The following GARIN1B variants were observed in gnomAD, a reference collection of about 807,000 sequenced individuals.
GARIN1B encodes Golgi-associated RAB2 interactor protein 1B.
chr7:128,714,793 A>G, the GARIN1B span, among the ~76,000 whole-genome samples: 3 of 152,146 alleles, frequency 2.0e-5, no homozygotes, highest in East Asian at 1.9e-4. Flanking sequence ...TCGGGGTTCT[A>G]TTCCTCCCAG....
the GARIN1B span, chr7:128,723,342 C>T: frequency 4.0e-5 from 64 of 1,605,246 alleles, no homozygotes; most frequent in Non-Finnish European, 5.2e-5. Flanking sequence ...ATCAAGCCAG[C>T]CTCTGACATT....
chr7:128,712,036 G>A, the GARIN1B span, among the ~76,000 whole-genome samples: 31 of 152,074 alleles, frequency 2.0e-4, no homozygotes, highest in African/African-American at 5.1e-4. Context: ...GCGAGACTCC[G>A]CCTCAAAAAA....
the GARIN1B span, chr7:128,724,953 A>G: frequency 6.4e-6 from 7 of 1,085,828 alleles, no homozygotes; most frequent in Non-Finnish European, 8.3e-6. Context: ...CTGGGGGCTC[A>G]GTCTTCAGAT....
chr7:128,719,969 G>A, the GARIN1B span, among the ~76,000 whole-genome samples: 1 of 151,814 alleles, frequency 6.6e-6, no homozygotes, highest in Non-Finnish European at 1.5e-5. Flanking sequence ...CAAAGTGCTG[G>A]GGTTACAGGC....
chr7:128,729,786 G>A, the GARIN1B span: 18 of 1,100,020 alleles, frequency 1.6e-5, no homozygotes, highest in East Asian at 3.1e-4. Flanking sequence ...ATGAATGCAC[G>A]TAATTGTTTG....
At chr7:128,730,459 G>A in the GARIN1B span, among the ~76,000 whole-genome samples, 1 of 152,136 alleles carries the variant, frequency 6.6e-6, no homozygotes, top group South Asian at 2.1e-4. Flanking sequence ...GGGGGCTGGG[G>A]TGGGGTCAGA....
the GARIN1B span, among the ~76,000 whole-genome samples, chr7:128,726,658 C>G: frequency 7.3e-6 from 1 of 137,078 alleles, no homozygotes; most frequent in African/African-American, 2.7e-5. Context: ...TTTTCTGGAA[C>G]TTTAATATGC....
At chr7:128,727,278 T>C in the GARIN1B span, among the ~76,000 whole-genome samples, 2 of 152,206 alleles carry the variant, frequency 1.3e-5, no homozygotes, top group South Asian at 4.1e-4. Context: ...GTTTATAATT[T>C]GGTGGTGTCA....
the GARIN1B span, among the ~76,000 whole-genome samples, chr7:128,730,474 C>T: frequency 5.4e-4 from 82 of 152,146 alleles, no homozygotes; most frequent in African/African-American, 1.8e-3. Flanking sequence ...GTCAGACCTC[C>T]CTAAGGTCCC....
the GARIN1B span, among the ~76,000 whole-genome samples, chr7:128,725,775 A>G: frequency 3.9e-5 from 6 of 152,298 alleles, no homozygotes; most frequent in African/African-American, 1.4e-4. Flanking sequence ...GAGGCTGGGA[A>G]ATGCATTCCC....
At chr7:128,709,573 C>G in the GARIN1B span, among the ~76,000 whole-genome samples, 1 of 152,116 alleles carries the variant, frequency 6.6e-6, no homozygotes, top group Non-Finnish European at 1.5e-5. Flanking sequence ...CCTATGCCAT[C>G]TAAACTTGCT....
the GARIN1B span, chr7:128,719,110 A>G: frequency 1.2e-6 from 2 of 1,606,914 alleles, no homozygotes; most frequent in Non-Finnish European, 1.7e-6. Flanking sequence ...GCCACCCTGC[A>G]GTCAAGGCCA....
At chr7:128,731,041 A>G in the GARIN1B span, 1 of 1,494,698 alleles carries the variant, frequency 6.7e-7, no homozygotes, top group Non-Finnish European at 9.3e-7. Flanking sequence ...GTGTGCCCAC[A>G]AAAGAGCTTT....
chr7:128,714,679 C>T, the GARIN1B span, among the ~76,000 whole-genome samples: 44 of 152,236 alleles, frequency 2.9e-4, no homozygotes, highest in African/African-American at 9.6e-4. Context: ...TTCTTCCTGA[C>T]CTAGCAGCCC....
the GARIN1B span, among the ~76,000 whole-genome samples, chr7:128,718,493 T>C: frequency 2.0e-5 from 3 of 151,692 alleles, no homozygotes; most frequent in South Asian, 6.3e-4. Flanking sequence ...TAAAATCCTA[T>C]GACTAGCCAC....
chr7:128,717,997 A>G, the GARIN1B span, among the ~76,000 whole-genome samples: 1 of 152,142 alleles, frequency 6.6e-6, no homozygotes, highest in African/African-American at 2.4e-5. Flanking sequence ...ACCTCTAGCA[A>G]GTACCACCCA....
At chr7:128,718,841 T>C in the GARIN1B span, 25 of 1,613,688 alleles carry the variant, frequency 1.5e-5, no homozygotes, top group Admixed American at 1.5e-4. Context: ...GATTCTCCCA[T>C]TGAGGTTTGT....
the GARIN1B span, among the ~76,000 whole-genome samples, chr7:128,723,976 G>A: frequency 1.8e-3 from 267 of 152,266 alleles, 1 homozygote; most frequent in African/African-American, 6.0e-3. Context: ...GTATACAGGT[G>A]AAAAAGTAAA....
the GARIN1B span, among the ~76,000 whole-genome samples, chr7:128,711,892 G>T: frequency 0.99 from 150,164 of 152,230 alleles, 74,082 homozygotes; most frequent in Middle Eastern, 1. Flanking sequence ...AATACAAAAA[G>T]TAGCCAGGCA....
Sources: gnomAD v4.1 joint callset for allele counts (sites outside exome capture counted in the v4.1 genomes callset) on GRCh38, gnomAD v4.1.1 for gene constraint, MANE v1.5 for transcripts, NCBI Gene and HGNC (gene_info 2026-07-23, HGNC 2026-07-21) for gene names.